UBAP2: variants seen among roughly 807,000 people sequenced by gnomAD.
The protein encoded by UBAP2 is ubiquitin associated protein 2.
In UBAP2, 75 loss-of-function variants were observed where a neutral mutation model predicts 139.6. The ratio of observed to expected loss-of-function variants is 0.54; its 90% CI spans 0.45 to 0.65. The LOEUF is 0.65. Among genes scored for constraint, UBAP2 ranks in the 30% least tolerant of loss-of-function variants. UBAP2 has a pLI of 0.00. For synonymous variants in UBAP2, 526 were observed against 526.2 expected, an observed-to-expected ratio of 1.00 and a Z score of 0.01; for missense variants, 1,368 against 1,369.6, an observed-to-expected ratio of 1.00 and a Z score of 0.02.
intron 19 of UBAP2, among the ~76,000 whole-genome samples, chr9:33,931,273 T>C (rs1823958148): frequency 1.3e-5 from 2 of 152,168 alleles, no homozygotes; most frequent in African/African-American, 4.8e-5. Context: ...TATGCAGTGG[T>C]CCTGGAATGA....
At chr9:33,982,588 C>T (rs554319101) in intron 6 of UBAP2, among the ~76,000 whole-genome samples, 1 of 152,060 alleles carries the variant, frequency 6.6e-6, no homozygotes, top group African/African-American at 2.4e-5. Flanking sequence ...GGTATATATA[C>T]TGATGAGAAA....
chr9:33,995,565 T>G (rs1822127754), intron 4 of UBAP2: 1 of 139,678 alleles, frequency 7.2e-6, no homozygotes, highest in African/African-American at 2.6e-5. Flanking sequence ...ATAATTTAAT[T>G]TAATTTAAAA....
intron 6 of UBAP2, among the ~76,000 whole-genome samples, chr9:33,980,122 G>A (rs750005017): frequency 6.6e-5 from 10 of 150,768 alleles, no homozygotes; most frequent in African/African-American, 2.4e-4. Flanking sequence ...AAGCAAAGCT[G>A]GCAAACACAT....
chr9:34,021,480 T>C (rs1052250813), intron 1 of UBAP2, among the ~76,000 whole-genome samples: 4 of 152,214 alleles, frequency 2.6e-5, no homozygotes, highest in African/African-American at 9.6e-5. Context: ...GGTTGTATTA[T>C]AGAGAACAAG....
At chr9:34,035,290 G>C (rs898795857) in intron 1 of UBAP2, among the ~76,000 whole-genome samples, 1 of 151,418 alleles carries the variant, frequency 6.6e-6, no homozygotes, top group Non-Finnish European at 1.5e-5. Flanking sequence ...ATCACCTGAG[G>C]TCAGGAGTTC....
intron 1 of UBAP2, among the ~76,000 whole-genome samples, chr9:34,025,696 A>T (rs1353956196): frequency 6.6e-6 from 1 of 152,198 alleles, no homozygotes; most frequent in Admixed American, 6.6e-5. Context: ...CTATGAAAGG[A>T]ATAGTTTTGG....
intron 2 of UBAP2, among the ~76,000 whole-genome samples, chr9:34,015,733 C>CT (rs1413903640): frequency 1.3e-5 from 2 of 152,156 alleles, no homozygotes; most frequent in Admixed American, 1.3e-4. Flanking sequence ...AGGTCTCACT[C>CT]TGTCACCCAG....
At chr9:34,005,873 T>C (rs1047385466) in intron 2 of UBAP2, among the ~76,000 whole-genome samples, 1 of 152,190 alleles carries the variant, frequency 6.6e-6, no homozygotes, top group Admixed American at 6.5e-5. Context: ...AAATACACCG[T>C]CCTTGAGAAT....
At position 33,971,772 on chromosome 9, in the gene UBAP2, G is replaced by C. The variant is rs1827935041; in HGVS notation, c.576-18C>G. 2 of 1,489,608 alleles carry C rather than the reference G, an allele frequency of 1.3e-6. No individual in the cohort carries two copies. The highest frequency in any genetic ancestry group is 1.9e-6 in the Non-Finnish European group (2 of 1,067,246). The allele number at this position is 1,489,608 out of a possible 1,614,324, so 92.3% of individuals were successfully genotyped here. A position where few individuals can be genotyped will look rare whatever the true frequency, so the allele number is the denominator to read the frequency against. On this transcript the variant is annotated intron_variant, in intron 7 of 28. Coordinates refer to ENST00000379238, the MANE Select transcript of UBAP2 (RefSeq NM_001370062.2). ...TAAATGTCCTGGGGTTTGAAATAAA[G>C]AAATAATAAAGGCAAAAGAAGCAAA... is the stretch of plus-strand genomic sequence containing the variant.
At chr9:34,026,818 T>C (rs1329815878) in intron 1 of UBAP2, among the ~76,000 whole-genome samples, 1 of 152,166 alleles carries the variant, frequency 6.6e-6, no homozygotes, top group Non-Finnish European at 1.5e-5. Flanking sequence ...CCCAGGACAT[T>C]TGGCTCTACA....
chr9:34,045,199 A>C (rs1401753458), intron 1 of UBAP2, among the ~76,000 whole-genome samples: 1 of 151,898 alleles, frequency 6.6e-6, no homozygotes, highest in Admixed American at 6.6e-5. Context: ...ACAAAAAATT[A>C]GCCGGGCGTG....
intron 2 of UBAP2, among the ~76,000 whole-genome samples, chr9:34,014,314 G>A (rs1041333094): frequency 4.8e-5 from 5 of 104,280 alleles, no homozygotes; most frequent in African/African-American, 1.1e-4. Flanking sequence ...GCTACAGAGC[G>A]AGACTGTCTC....
intron 1 of UBAP2, among the ~76,000 whole-genome samples, chr9:34,022,806 A>G (rs1428283470): frequency 6.6e-6 from 1 of 152,172 alleles, no homozygotes; most frequent in Non-Finnish European, 1.5e-5. Context: ...ATCAAAAGCT[A>G]ACTTGTTGAG....
chr9:34,006,061 T>C (rs967054101), intron 2 of UBAP2, among the ~76,000 whole-genome samples: 1 of 151,498 alleles, frequency 6.6e-6, no homozygotes, highest in Non-Finnish European at 1.5e-5. Context: ...TGAAACCCCA[T>C]CTCTACTAAA....
chr9:34,003,330 T>A (rs1191849301), intron 2 of UBAP2, among the ~76,000 whole-genome samples: 1 of 150,440 alleles, frequency 6.6e-6, no homozygotes, highest in Non-Finnish European at 1.5e-5. Context: ...TGTGGCAGGC[T>A]GAGGTCCATT....
In UBAP2 at chr9:33,923,120, TGA is replaced by T. The variant is rs1464188795; in HGVS notation, c.3004+64_3004+65del. The stretch of plus-strand genomic sequence containing the variant: ...AGGATCACTCAGGGGTTGCCCTGCC[TGA>T]GAGGGGATCAGGCAGGAGCCCACCA... On this transcript the variant is annotated intron_variant, in intron 26 of 28. Transcript: ENST00000379238. 5.0e-6 allele frequency: 8 copies of T among 1,612,152 alleles called. No homozygotes were observed. The Middle Eastern group carries it at 4.9e-4, about 100-fold the overall frequency.
chr9:33,983,383 C>T (rs917472012), intron 6 of UBAP2, among the ~76,000 whole-genome samples: 2 of 152,082 alleles, frequency 1.3e-5, no homozygotes, highest in African/African-American at 4.8e-5. Flanking sequence ...CTAAGACGCC[C>T]ACTAATGCCA....
In UBAP2 at chr9:33,944,489, G is replaced by A. The variant is rs1469224945; in HGVS notation, c.1421C>T (p.Pro474Leu). The change falls in exon 14 of 29, where the codon CCC becomes CTC. Residue 474 changes from proline (P) to leucine (L), a missense_variant. Physicochemically the swap from Pro to Leu is moderately conservative, Grantham distance 98. Transcript: ENST00000379238. Reference protein sequence around the residue: ...KLRESTPGDSPSTVNKLLQLP... With the variant: ...KLRESTPGDSLSTVNKLLQLP... The stretch of plus-strand genomic sequence containing the variant: ...CTGCAAAAGCTTGTTCACAGTGGAG[G>A]GACTGTCTCCAGGTGTTGATTCTCG... 6.2e-7 allele frequency: 1 copy of A among 1,613,944 alleles called. No individual in the cohort carries two copies. The highest frequency in any genetic ancestry group is 1.7e-5 in the Admixed American group (1 of 59,970).
At chr9:33,998,950 C>T in intron 2 of UBAP2, 86 bp from the exon 3 acceptor site, 1 of 1,055,468 alleles carries the variant, frequency 9.5e-7, no homozygotes, top group South Asian at 1.4e-5. Flanking sequence ...ATAAGGCTCT[C>T]AAGCACTAGA....
Sources: allele counts gnomAD v4.1 joint callset (sites outside exome capture counted in the v4.1 genomes callset), GRCh38; gene constraint gnomAD v4.1.1; transcripts MANE v1.5; gene names NCBI Gene and HGNC (gene_info 2026-07-23, HGNC 2026-07-21).